Variants in LGSN observed in about 807,000 individuals in gnomAD.
LGSN encodes the protein lengsin.
In LGSN, 21 loss-of-function variants were observed where a neutral mutation model predicts 19.5. The ratio of observed to expected loss-of-function variants is 1.07; its 90% CI spans 0.76 to 1.55. The LOEUF (loss-of-function observed/expected upper bound fraction) is 1.55, where lower values mean the gene tolerates loss of function less well. Ranked by LOEUF, LGSN falls within the 40% of genes most tolerant of loss-of-function variation. The pLI is 0.00. For synonymous variants in LGSN, 257 were observed against 215.6 expected (o/e 1.19, Z -1.68); for missense variants, 673 against 608.5 (o/e 1.11, Z -1.12).
upstream of LGSN, among the ~76,000 whole-genome samples, chr6:63,324,329 C>T (rs1019114380): frequency 5.9e-5 from 9 of 152,138 alleles, no homozygotes; most frequent in African/African-American, 2.2e-4. Flanking sequence ...AAAGACATAT[C>T]ACATAGTTTT....
At chr6:63,492,594 A>T in the LGSN span, among the ~76,000 whole-genome samples, 1 of 152,180 alleles carries the variant, frequency 6.6e-6, no homozygotes, top group African/African-American at 2.4e-5. Context: ...CATCTTTATT[A>T]AGGCTAGTGG....
At chr6:63,318,532 A>T (rs1350810326) in intron 1 of LGSN, among the ~76,000 whole-genome samples, 1 of 152,150 alleles carries the variant, frequency 6.6e-6, no homozygotes, top group African/African-American at 2.4e-5. Flanking sequence ...CACCTTTATT[A>T]CATCTAGTAA....
chr6:63,519,011 A>G, the LGSN span, among the ~76,000 whole-genome samples: 1,308 of 152,282 alleles, frequency 8.6e-3, 23 homozygotes, highest in African/African-American at 0.03. Context: ...ATTCACACTA[A>G]GTGAGATAAA....
chr6:63,541,358 GC>G, the LGSN span, among the ~76,000 whole-genome samples: 1 of 151,964 alleles, frequency 6.6e-6, no homozygotes, highest in African/African-American at 2.4e-5. Flanking sequence ...TTCAAGAGCA[GC>G]CTGGCCAACA....
the LGSN span, among the ~76,000 whole-genome samples, chr6:63,429,336 T>C: frequency 6.6e-6 from 1 of 152,218 alleles, no homozygotes; most frequent in Non-Finnish European, 1.5e-5. Context: ...GAGATTTTAT[T>C]GTATCTCCTC....
At position 63,281,183 on chromosome 6, in the gene LGSN, T is replaced by C; in HGVS notation, c.368A>G (p.Tyr123Cys). The C allele has an allele frequency of 6.2e-7, 1 of 1,612,064 alleles. No individual in the cohort carries two copies. Among genetic ancestry groups the C allele is most frequent in the Non-Finnish European group, 8.5e-7 (1 of 1,179,092 alleles). The change falls in exon 4 of 4, where the codon TAT becomes TGT. Residue 123 changes from tyrosine (Y) to cysteine (C), a missense_variant. Physicochemically the swap from Tyr to Cys is radical, Grantham distance 194. Coordinates refer to ENST00000370657, the MANE Select transcript of LGSN (RefSeq NM_016571.3). ...CTTTGGATTTGGTATCACTTCAAGA[T>C]AACCTCGGGGCATGCAAACACCATG... is the stretch of plus-strand genomic sequence containing the variant. Reference protein sequence around the residue: ...VSHGVCMPRGYLEVIPNPKDN... With the variant: ...VSHGVCMPRGCLEVIPNPKDN...
the LGSN span, among the ~76,000 whole-genome samples, chr6:63,399,425 G>A: frequency 3.5e-5 from 5 of 141,776 alleles, no homozygotes; most frequent in African/African-American, 8.1e-5. Flanking sequence ...ACGGAGTTTC[G>A]CTCCTGTCAC....
chr6:63,341,415 G>T, the LGSN span, among the ~76,000 whole-genome samples: 1 of 152,212 alleles, frequency 6.6e-6, no homozygotes, highest in African/African-American at 2.4e-5. Context: ...GTGTGTGAGT[G>T]GATCGGTCTT....
chr6:63,537,310 A>G, the LGSN span, among the ~76,000 whole-genome samples: 3 of 152,278 alleles, frequency 2.0e-5, no homozygotes, highest in African/African-American at 7.2e-5. Flanking sequence ...TGAACCAGAA[A>G]CTGTGCAGTG....
the LGSN span, among the ~76,000 whole-genome samples, chr6:63,492,024 C>T: frequency 2.0e-5 from 3 of 147,556 alleles, no homozygotes; most frequent in African/African-American, 7.4e-5. Flanking sequence ...AGTGAAACTC[C>T]ATCTCAAAAA....
chr6:63,557,096 T>C, the LGSN span, among the ~76,000 whole-genome samples: 1 of 152,184 alleles, frequency 6.6e-6, no homozygotes, highest in Admixed American at 6.5e-5. Flanking sequence ...GGGAAATTAA[T>C]AGAACACAGC....
chr6:63,332,724 G>T, the LGSN span, among the ~76,000 whole-genome samples: 2 of 152,112 alleles, frequency 1.3e-5, no homozygotes, highest in Non-Finnish European at 2.9e-5. Context: ...CAATCGAAAG[G>T]GGTCCGATGG....
the LGSN span, among the ~76,000 whole-genome samples, chr6:63,372,231 C>T: frequency 6.6e-6 from 1 of 152,180 alleles, no homozygotes; most frequent in East Asian, 1.9e-4. Context: ...GGGCTGTTGA[C>T]TATGTAGTAA....
chr6:63,300,027 C>T (rs1283817820), intron 1 of LGSN, among the ~76,000 whole-genome samples: 2 of 152,148 alleles, frequency 1.3e-5, no homozygotes, highest in Non-Finnish European at 1.5e-5. Flanking sequence ...TGATTTTGAG[C>T]CTTTGAATTC....
the LGSN span, among the ~76,000 whole-genome samples, chr6:63,464,490 A>G: frequency 3.8e-4 from 58 of 151,582 alleles, no homozygotes; most frequent in African/African-American, 1.4e-3. Flanking sequence ...CCAAATAAAT[A>G]AAGTACCTAG....
At chr6:63,311,908 CCTCTGTTAACCACATTCTACT>C (rs1272439316) in intron 1 of LGSN, among the ~76,000 whole-genome samples, 11 of 152,058 alleles carry the variant, frequency 7.2e-5, no homozygotes, top group Admixed American at 5.2e-4. Flanking sequence ...CACCACCCAC[CCTCTGTTAACCACATTCTACT>C]CTCTGCTTCT....
At chr6:63,486,512 A>G in the LGSN span, among the ~76,000 whole-genome samples, 1 of 152,278 alleles carries the variant, frequency 6.6e-6, no homozygotes, top group Non-Finnish European at 1.5e-5. Context: ...CTTCATGTGC[A>G]CATTGATTCC....
chr6:63,563,018 T>C, the LGSN span, among the ~76,000 whole-genome samples: 1 of 152,196 alleles, frequency 6.6e-6, no homozygotes, highest in African/African-American at 2.4e-5. Flanking sequence ...GTAAAACTTC[T>C]CCATTTTATT....
At chr6:63,556,617 A>G in the LGSN span, among the ~76,000 whole-genome samples, 4 of 152,188 alleles carry the variant, frequency 2.6e-5, no homozygotes, top group East Asian at 7.7e-4. Flanking sequence ...TAAGTCTAAA[A>G]TTCTCTGAGC....
Sources: allele counts gnomAD v4.1 joint callset (sites outside exome capture counted in the v4.1 genomes callset), GRCh38; gene constraint gnomAD v4.1.1; transcripts MANE v1.5; gene names NCBI Gene and HGNC (gene_info 2026-07-23, HGNC 2026-07-21).